Variants in CYFIP2 observed in about 807,000 individuals in gnomAD.
The protein encoded by CYFIP2 is cytoplasmic FMR1 interacting protein 2, also known as cytoplasmic FMR1-interacting protein 2.
CYFIP2 carries 29 observed loss-of-function variants against 158.7 expected under a neutral mutation model. The ratio of observed to expected loss-of-function variants is 0.18; its 90% CI spans 0.14 to 0.25. CYFIP2 has a LOEUF of 0.25. Among genes scored for constraint, CYFIP2 ranks in the 10% least tolerant of loss-of-function variants. The pLI is 1.00. For synonymous variants in CYFIP2, 585 were observed against 617.6 expected, an observed-to-expected ratio of 0.95 and a Z score of 0.78; for missense variants, 852 against 1,639.5, an observed-to-expected ratio of 0.52 and a Z score of 8.29.
chr5:157,349,237 C>T (rs372981618), intron 23 of CYFIP2, among the ~76,000 whole-genome samples: 123 of 152,206 alleles, frequency 8.1e-4, no homozygotes, highest in Middle Eastern at 3.4e-3. Context: ...GAGCAGTATA[C>T]GCTATGCCCA....
At position 157,324,034 on chromosome 5, in the gene CYFIP2, CAA is replaced by C; in HGVS notation, c.1787_1788del (p.Lys596ThrfsTer13). The C allele has an allele frequency of 6.2e-7, 1 of 1,613,864 alleles. No individual in the cohort carries two copies. Among genetic ancestry groups the C allele is most frequent in the East Asian group, 2.2e-5 (1 of 44,884 alleles). On this transcript the variant is annotated frameshift_variant, in exon 16 of 31. Transcript: ENST00000620254. LOFTEE classifies it high-confidence loss of function. Reference sequence around the variant, plus strand: ...TTGTCCTCGCCATAGAGGACTTTCACAAACAGTCCTTCTTCTTCACACATCTG... The same window carrying C: ...TTGTCCTCGCCATAGAGGACTTTCACACAGTCCTTCTTCTTCACACATCTG... ...PIVLAIEDFH[K>X]QSFFFTHLLN...
At chr5:157,342,901 A>AC (rs748255153) in intron 23 of CYFIP2, 19 of 1,613,396 alleles carry the variant, frequency 1.2e-5, no homozygotes, top group Middle Eastern at 3.3e-4. Flanking sequence ...GTGGGTCACC[A>AC]CCCCCCCTCT....
At chr5:157,320,558 G>C (rs1160571452) in intron 14 of CYFIP2, 97 bp from the exon 15 acceptor site, 5 of 1,481,018 alleles carry the variant, frequency 3.4e-6, no homozygotes, top group Admixed American at 4.2e-5. Flanking sequence ...TTCAAATGTG[G>C]GTGTTCCTGG....
chr5:157,317,324 TAAAAC>T (rs955357769), intron 13 of CYFIP2, among the ~76,000 whole-genome samples: 2 of 152,188 alleles, frequency 1.3e-5, no homozygotes, highest in African/African-American at 2.4e-5. Context: ...CCTTTAATAA[TAAAAC>T]AAAGCAAAAG....
At chr5:157,321,798 TCAC>T (rs1206717678) in intron 15 of CYFIP2, among the ~76,000 whole-genome samples, 1 of 152,104 alleles carries the variant, frequency 6.6e-6, no homozygotes, top group Non-Finnish European at 1.5e-5. Context: ...CCCCTTGGCT[TCAC>T]AGCCCTCTGC....
intron 26 of CYFIP2, among the ~76,000 whole-genome samples, chr5:157,367,351 T>C (rs1193150002): frequency 6.6e-6 from 1 of 152,206 alleles, no homozygotes; most frequent in Non-Finnish European, 1.5e-5. Flanking sequence ...TTGTCTGATA[T>C]TCCTTAGGAG....
At chr5:157,369,421 A>C (rs2113428150) in intron 26 of CYFIP2, among the ~76,000 whole-genome samples, 1 of 152,314 alleles carries the variant, frequency 6.6e-6, no homozygotes, top group South Asian at 2.1e-4. Flanking sequence ...TCCCAGGTAA[A>C]GGTCATTAGC....
chr5:157,270,365 T>A (rs1755989375), intron 1 of CYFIP2, among the ~76,000 whole-genome samples: 1 of 152,120 alleles, frequency 6.6e-6, no homozygotes, highest in African/African-American at 2.4e-5. Flanking sequence ...TTCAGGAGAC[T>A]TCAGGGTTTG....
At chr5:157,355,111 T>A (rs1218350655) in intron 23 of CYFIP2, among the ~76,000 whole-genome samples, 2 of 152,124 alleles carry the variant, frequency 1.3e-5, no homozygotes, top group African/African-American at 4.8e-5. Flanking sequence ...TACAATCTGT[T>A]ACTGAACATC....
intron 28 of CYFIP2, among the ~76,000 whole-genome samples, chr5:157,386,755 A>G (rs1401590963): frequency 6.6e-6 from 1 of 152,096 alleles, no homozygotes; most frequent in East Asian, 1.9e-4. Flanking sequence ...CCCCATCTCT[A>G]CTAAAAATGC....
At chr5:157,353,546 T>G (rs1489469869) in intron 23 of CYFIP2, among the ~76,000 whole-genome samples, 1 of 152,146 alleles carries the variant, frequency 6.6e-6, no homozygotes, top group African/African-American at 2.4e-5. Context: ...ATAGACACAT[T>G]AGTAGTTTTA....
At chr5:157,364,473 C>T (rs1764178213) in intron 26 of CYFIP2, 1 of 152,290 alleles carries the variant, frequency 6.6e-6, no homozygotes, top group Non-Finnish European at 1.5e-5. Flanking sequence ...AATCTTTCAA[C>T]CCCTTCTATT....
At chr5:157,386,103 C>CA (rs1766656859) in intron 28 of CYFIP2, among the ~76,000 whole-genome samples, 1 of 152,176 alleles carries the variant, frequency 6.6e-6, no homozygotes, top group Non-Finnish European at 1.5e-5. Context: ...AATGTTAACA[C>CA]ACACGGAAAA....
At chr5:157,346,866 G>C (rs775778356) in intron 23 of CYFIP2, among the ~76,000 whole-genome samples, 3 of 152,106 alleles carry the variant, frequency 2.0e-5, no homozygotes, top group African/African-American at 4.8e-5. Flanking sequence ...CATCCCCAGC[G>C]TTCCTTTCCT....
chr5:157,274,128 G>GT (rs1386208754), intron 1 of CYFIP2, among the ~76,000 whole-genome samples: 2 of 99,080 alleles, frequency 2.0e-5, no homozygotes, highest in African/African-American at 3.7e-5. Flanking sequence ...GAAACTCTGT[G>GT]TAAAAAAAAA....
chr5:157,285,250 T>C, intron 1 of CYFIP2, 89 bp from the exon 2 acceptor site: 2 of 854,560 alleles, frequency 2.3e-6, no homozygotes, highest in Non-Finnish European at 3.7e-6. Context: ...CTCTCTTTAT[T>C]CTCCCAAAGG....
chr5:157,296,006 G>A (rs1758225302), intron 4 of CYFIP2, among the ~76,000 whole-genome samples: 1 of 152,208 alleles, frequency 6.6e-6, no homozygotes, highest in South Asian at 2.1e-4. Context: ...TCTCTGCTTA[G>A]AATCCAGCTG....
At position 157,361,286 on chromosome 5, in the gene CYFIP2, G is replaced by A. The variant is rs868666506; in HGVS notation, c.2909-182G>A. The A allele has an allele frequency of 3.4e-5, 22 of 641,558 alleles. No individual in the cohort carries two copies. Among genetic ancestry groups the A allele is most frequent in the Non-Finnish European group, 5.8e-5 (22 of 380,786 alleles). 39.7% of individuals were successfully genotyped at this position (641,558 alleles called of 1,614,324 possible). A position where few individuals can be genotyped will look rare whatever the true frequency, so the allele number is the denominator to read the frequency against. On this transcript the variant is annotated intron_variant, in intron 25 of 30. Transcript: ENST00000620254. This position sits in a 1 kb window ranked among gnomAD's most constrained non-coding sequence, Gnocchi z 4.4. Reference sequence around the variant, plus strand: ...TGAAAAAGACATGAGCCAGCTACTCGAACTTTGTCCAGTACTGAGCCCTGA... The same window carrying A: ...TGAAAAAGACATGAGCCAGCTACTCAAACTTTGTCCAGTACTGAGCCCTGA...
intron 23 of CYFIP2, among the ~76,000 whole-genome samples, chr5:157,358,480 G>A (rs186318232): frequency 2.0e-5 from 3 of 152,212 alleles, no homozygotes; most frequent in Non-Finnish European, 4.4e-5. Flanking sequence ...GTAGGTGGTT[G>A]TCCCATGCAC....
Sources: allele counts gnomAD v4.1 joint callset (sites outside exome capture counted in the v4.1 genomes callset), GRCh38; gene constraint gnomAD v4.1.1; non-coding constraint Gnocchi (gnomAD v3.1); transcripts MANE v1.5; gene names NCBI Gene and HGNC (gene_info 2026-07-23, HGNC 2026-07-21).